PDE11A: variants seen among roughly 807,000 people sequenced by gnomAD.
The protein encoded by PDE11A is dual 3',5'-cyclic-AMP and -GMP phosphodiesterase 11A.
A neutral mutation model predicts 100.5 loss-of-function variants in PDE11A; 100 were observed. That is an observed-to-expected ratio of 1.00 (90% CI 0.85 to 1.18). The LOEUF (loss-of-function observed/expected upper bound fraction) is 1.18, where lower values mean the gene tolerates loss of function less well. Among genes scored for constraint, PDE11A ranks in the 50% most tolerant of loss-of-function variants. The pLI is 0.00. For synonymous variants in PDE11A, 381 were observed against 420.8 expected, an observed-to-expected ratio of 0.91 and a Z score of 1.16; for missense variants, 1,141 against 1,152.6, an observed-to-expected ratio of 0.99 and a Z score of 0.15.
chr2:178,019,438 T>C (rs1278164608), intron 1 of PDE11A, among the ~76,000 whole-genome samples: 1 of 152,200 alleles, frequency 6.6e-6, no homozygotes, highest in Non-Finnish European at 1.5e-5. Context: ...ATTTTCCCAT[T>C]TGAAGTTTTC....
At chr2:178,075,248 C>T (rs566900163), upstream of PDE11A, among the ~76,000 whole-genome samples, 1 of 152,148 alleles carries the variant, frequency 6.6e-6, no homozygotes, top group South Asian at 2.1e-4. Context: ...GGAGCAATGA[C>T]AGCCCATCAA....
chr2:178,004,076 C>A (rs2105819698), intron 2 of PDE11A, among the ~76,000 whole-genome samples: 1 of 152,104 alleles, frequency 6.6e-6, no homozygotes, highest in African/African-American at 2.4e-5. Context: ...GTGTGTACTA[C>A]TTTATGCAAA....
chr2:178,099,446 GA>G (rs201692711), intron 2 of PDE11A, among the ~76,000 whole-genome samples: 2,303 of 84,512 alleles, frequency 0.027, 28 homozygotes, highest in African/African-American at 0.083. Context: ...CATCTCAAGA[GA>G]AAAAAAAAAA....
At chr2:177,883,511 A>G (rs1045820101) in intron 4 of PDE11A, among the ~76,000 whole-genome samples, 1 of 152,106 alleles carries the variant, frequency 6.6e-6, no homozygotes, top group East Asian at 1.9e-4. Context: ...TTTCACCACA[A>G]TGTATGTCCA....
intron 10 of PDE11A, among the ~76,000 whole-genome samples, chr2:177,741,971 G>C (rs1383217624): frequency 6.6e-6 from 1 of 151,562 alleles, no homozygotes; most frequent in Non-Finnish European, 1.5e-5. Context: ...GTTCAGGGCT[G>C]CAGTGAGCTA....
intron 9 of PDE11A, among the ~76,000 whole-genome samples, chr2:177,803,607 A>T (rs2105557068): frequency 6.6e-6 from 1 of 152,208 alleles, no homozygotes; most frequent in Admixed American, 6.5e-5. Flanking sequence ...ATATACCATG[A>T]TCAGGTGAGA....
chr2:177,863,724 T>G (rs1437592841), intron 5 of PDE11A, among the ~76,000 whole-genome samples: 1 of 151,944 alleles, frequency 6.6e-6, no homozygotes, highest in African/African-American at 2.4e-5. Flanking sequence ...AAAAGAGAAC[T>G]CTTTACACTG....
rs190977260 is a variant in PDE11A at position 177,865,013 on chromosome 2, C to T, written c.1367+10846G>A. The stretch of plus-strand genomic sequence containing the variant: ...CAAACAAATCGGCCAGGCACAGTAG[C>T]TCACACCTGTAATTCAGCATTTTGG... On this transcript the variant is annotated intron_variant, in intron 5 of 19. Coordinates refer to ENST00000286063, the MANE Select transcript of PDE11A (RefSeq NM_016953.4). 1.3e-3 allele frequency among the ~76,000 whole-genome samples: 203 copies of T among 152,244 alleles called. 1 individual carries two copies. The highest frequency in any genetic ancestry group is 2.5e-3 in the Non-Finnish European group (172 of 68,018).
intron 2 of PDE11A, among the ~76,000 whole-genome samples, chr2:177,992,200 A>G (rs2086013158): frequency 6.6e-6 from 1 of 151,426 alleles, no homozygotes; most frequent in Non-Finnish European, 1.5e-5. Context: ...TGAACCCAGC[A>G]TTATATCAAA....
chr2:177,753,212 T>A (rs2082047865), intron 10 of PDE11A, among the ~76,000 whole-genome samples: 1 of 152,192 alleles, frequency 6.6e-6, no homozygotes, highest in Non-Finnish European at 1.5e-5. Flanking sequence ...TAGCCTGAAG[T>A]GCTGAGAGGG....
intron 1 of PDE11A, among the ~76,000 whole-genome samples, chr2:178,071,098 C>T (rs925916667): frequency 2.6e-5 from 4 of 152,156 alleles, no homozygotes; most frequent in African/African-American, 9.7e-5. Context: ...GCATTATGGT[C>T]CCCAAAAGAC....
intron 2 of PDE11A, among the ~76,000 whole-genome samples, chr2:177,977,748 T>C (rs1437969384): frequency 2.3e-3 from 317 of 138,866 alleles, no homozygotes; most frequent in South Asian, 3.7e-3. Flanking sequence ...GAGATATAGA[T>C]CAATGGAACA....
At chr2:177,757,049 C>A (rs946039961) in intron 10 of PDE11A, among the ~76,000 whole-genome samples, 6 of 152,174 alleles carry the variant, frequency 3.9e-5, no homozygotes, top group African/African-American at 1.4e-4. Context: ...TCAGCATGCC[C>A]ACCCATATCT....
intron 19 of PDE11A, among the ~76,000 whole-genome samples, chr2:177,663,417 A>G (rs916125414): frequency 1.3e-5 from 2 of 151,682 alleles, no homozygotes; most frequent in Non-Finnish European, 2.9e-5. Context: ...TCATTCCCAC[A>G]TTATATTAAT....
chr2:177,664,267 A>G (rs1305976539), intron 18 of PDE11A, among the ~76,000 whole-genome samples: 4 of 152,186 alleles, frequency 2.6e-5, no homozygotes, highest in Non-Finnish European at 5.9e-5. Context: ...GTACAGGTCA[A>G]GGGGAAAGGA....
chr2:177,736,428 G>A (rs1295895102), intron 10 of PDE11A, among the ~76,000 whole-genome samples: 1 of 151,960 alleles, frequency 6.6e-6, no homozygotes, highest in African/African-American at 2.4e-5. Context: ...GGAGGCTGAG[G>A]CAGGAGAATT....
chr2:178,108,016 A>G (rs1370642432), intron 1 of PDE11A, among the ~76,000 whole-genome samples: 2 of 152,196 alleles, frequency 1.3e-5, no homozygotes, highest in Non-Finnish European at 2.9e-5. Flanking sequence ...CACCATGCCA[A>G]GCCAACAATT....
At chr2:177,921,451 G>T in intron 2 of PDE11A, among the ~76,000 whole-genome samples, 1 of 147,422 alleles carries the variant, frequency 6.8e-6, no homozygotes. Context: ...ATAATATTTT[G>T]CATAATTCTC....
chr2:177,798,069 A>C (rs1270474889), intron 9 of PDE11A, among the ~76,000 whole-genome samples: 1 of 152,092 alleles, frequency 6.6e-6, no homozygotes, highest in Non-Finnish European at 1.5e-5. Context: ...CCCTGTCTGC[A>C]TTGAGGTGCT....
Sources: gnomAD v4.1 joint callset for allele counts (sites outside exome capture counted in the v4.1 genomes callset) on GRCh38, gnomAD v4.1.1 for gene constraint, MANE v1.5 for transcripts, NCBI Gene and HGNC (gene_info 2026-07-23, HGNC 2026-07-21) for gene names.